The following FGF14 variants were observed in gnomAD, a reference collection of about 807,000 sequenced individuals.
The protein encoded by FGF14 is fibroblast growth factor homologous factor 4.
In FGF14, 5 loss-of-function variants were observed where a neutral mutation model predicts 25.5. The ratio of observed to expected loss-of-function variants is 0.20; its 90% CI spans 0.10 to 0.41. The LOEUF (loss-of-function observed/expected upper bound fraction) is 0.41, where lower values mean the gene tolerates loss of function less well. Ranked by LOEUF, FGF14 falls within the 10% of genes least tolerant of loss-of-function variation. The pLI, the probability that FGF14 is intolerant of heterozygous loss-of-function variation, is 1.00. For synonymous variants in FGF14, 138 were observed against 118.3 expected (o/e 1.17, Z -1.08); for missense variants, 222 against 320.1 (o/e 0.69, Z 2.34).
intron 1 of FGF14, among the ~76,000 whole-genome samples, chr13:102,020,186 T>C (rs2139857669): frequency 6.6e-6 from 1 of 152,000 alleles, no homozygotes; most frequent in South Asian, 2.1e-4. Context: ...GGGAGGGACA[T>C]GAGAGTGGTT....
intron 1 of FGF14, among the ~76,000 whole-genome samples, chr13:102,252,305 T>C (rs532483145): frequency 7.9e-5 from 12 of 152,344 alleles, no homozygotes; most frequent in African/African-American, 2.9e-4. Context: ...AAAGCAGTAT[T>C]CAGGTTTTGA....
At position 101,924,629 on chromosome 13, in the gene FGF14, T is replaced by C. The variant is rs140463817; in HGVS notation, c.209-49333A>G. ...AATTATTTAAATGGGAACAAGAGCA[T>C]GTCTGTTTATAAAACATCCAAATAA... On this transcript the variant is annotated intron_variant, in intron 1 of 4. Coordinates refer to the FGF14 transcript ENST00000376131. Among the ~76,000 whole-genome samples the C allele has an allele frequency of 5.5e-3, 838 of 152,328 alleles. 4 individuals are homozygous for C. Among genetic ancestry groups the C allele is most frequent in the African/African-American group, 0.019 (773 of 41,574 alleles).
chr13:101,869,716 G>A (rs543039381), intron 2 of FGF14, among the ~76,000 whole-genome samples: 1 of 152,278 alleles, frequency 6.6e-6, no homozygotes, highest in African/African-American at 2.4e-5. Context: ...AAGCAGGACA[G>A]AACAGGAAAT....
intron 1 of FGF14, among the ~76,000 whole-genome samples, chr13:102,135,163 G>A (rs1238284435): frequency 6.6e-6 from 1 of 151,966 alleles, no homozygotes; most frequent in African/African-American, 2.4e-5. Context: ...AGCTATGATC[G>A]CACCATCGCA....
At chr13:101,880,870 A>G (rs1192951902) in intron 1 of FGF14, among the ~76,000 whole-genome samples, 2 of 152,220 alleles carry the variant, frequency 1.3e-5, no homozygotes, top group African/African-American at 2.4e-5. Flanking sequence ...ATATATCTAT[A>G]AATGGTTTTT....
intron 1 of FGF14, among the ~76,000 whole-genome samples, chr13:101,884,805 C>G (rs987163902): frequency 2.0e-5 from 3 of 151,888 alleles, no homozygotes; most frequent in Non-Finnish European, 4.4e-5. Flanking sequence ...ATTTAAAAAG[C>G]ACTAGTTTAG....
rs2033528295 is a variant in FGF14 at position 101,916,602 on chromosome 13, T to C, written c.44A>G (p.Gln15Arg). 1 of 1,594,642 alleles carries C rather than the reference T, an allele frequency of 6.3e-7. No individual in the cohort carries two copies. The highest frequency in any genetic ancestry group is 1.3e-5 in the African/African-American group (1 of 74,180). Residue 15 changes from glutamine (Q) to arginine (R), a missense_variant, in exon 1 of 5, where the codon CAG (glutamine) becomes CGG (arginine). This residue lies in a region of FGF14 where 11 missense variants were observed against 26.6 expected (regional missense o/e 0.41). Coordinates refer to ENST00000376143, the MANE Select transcript of FGF14 (RefSeq NM_004115.4). ...IASGLIRQKR[Q>R]AREQHWDRPS... The stretch of plus-strand genomic sequence containing the variant: ...CCGGTCCCAGTGCTGCTCCCGCGCC[T>C]GCCGCTTCTGGCGGATCAAGCCGCT...
chr13:102,354,943 CATCT>C (rs1434594876), intron 1 of FGF14, among the ~76,000 whole-genome samples: 1 of 152,110 alleles, frequency 6.6e-6, no homozygotes, highest in Non-Finnish European at 1.5e-5. Flanking sequence ...CCTCCCCTCA[CATCT>C]CAGCTGCAGC....
intron 3 of FGF14, among the ~76,000 whole-genome samples, chr13:101,752,473 A>T (rs2037352756): frequency 6.6e-6 from 1 of 152,226 alleles, no homozygotes; most frequent in Admixed American, 6.5e-5. Context: ...GTGAATGATG[A>T]TATTAAACTA....
At chr13:101,998,500 A>G (rs1185301632) in intron 1 of FGF14, among the ~76,000 whole-genome samples, 1 of 152,230 alleles carries the variant, frequency 6.6e-6, no homozygotes, top group Non-Finnish European at 1.5e-5. Context: ...CCAAAGAGGT[A>G]TGATCATCTT....
chr13:102,160,486 C>G (rs1303193826), intron 1 of FGF14, among the ~76,000 whole-genome samples: 6 of 152,142 alleles, frequency 3.9e-5, no homozygotes, highest in South Asian at 4.1e-4. Flanking sequence ...CTGCCCCGAC[C>G]CTTCGTCTCA....
At chr13:102,161,474 C>T (rs902096644) in intron 1 of FGF14, among the ~76,000 whole-genome samples, 4 of 151,798 alleles carry the variant, frequency 2.6e-5, no homozygotes, top group African/African-American at 7.3e-5. Flanking sequence ...TGACAGCAAT[C>T]GTCAGTCAGT....
At chr13:101,735,438 G>A (rs2036115076) in intron 3 of FGF14, among the ~76,000 whole-genome samples, 1 of 152,086 alleles carries the variant, frequency 6.6e-6, no homozygotes, top group African/African-American at 2.4e-5. Context: ...TAGCAGAGGT[G>A]ACACGTCTCT....
intron 1 of FGF14, among the ~76,000 whole-genome samples, chr13:102,233,386 C>A (rs998282663): frequency 5.3e-5 from 8 of 152,166 alleles, no homozygotes; most frequent in African/African-American, 1.7e-4. Context: ...CCACCTTGAC[C>A]TTCCAAAGTG....
chr13:101,881,814 G>C (rs1440849508), intron 1 of FGF14, among the ~76,000 whole-genome samples: 1 of 152,182 alleles, frequency 6.6e-6, no homozygotes, highest in Middle Eastern at 3.2e-3. Context: ...ACAGATGTGG[G>C]TGTGTTACTC....
chr13:102,165,363 C>T (rs2047954511), intron 1 of FGF14, among the ~76,000 whole-genome samples: 2 of 151,986 alleles, frequency 1.3e-5, no homozygotes, highest in Admixed American at 6.6e-5. Flanking sequence ...GGCACATGCA[C>T]ACGTATGTTT....
chr13:101,980,513 T>C (rs1036781489), intron 1 of FGF14, among the ~76,000 whole-genome samples: 1 of 152,322 alleles, frequency 6.6e-6, no homozygotes, highest in African/African-American at 2.4e-5. Context: ...AATTTTCCAT[T>C]AGAGAGAAGT....
intron 3 of FGF14, among the ~76,000 whole-genome samples, chr13:101,866,413 C>T (rs1023718255): frequency 1.3e-5 from 2 of 152,060 alleles, no homozygotes; most frequent in Non-Finnish European, 2.9e-5. Context: ...TTCTATCTAC[C>T]ACCTGAGTGA....
intron 3 of FGF14, among the ~76,000 whole-genome samples, chr13:101,730,291 T>C (rs1318645048): frequency 2.0e-5 from 3 of 152,166 alleles, no homozygotes; most frequent in Non-Finnish European, 4.4e-5. Flanking sequence ...TGAAAGTTGT[T>C]TGTAGCACAT....
Sources: gnomAD v4.1 joint callset for allele counts (sites outside exome capture counted in the v4.1 genomes callset) on GRCh38, gnomAD v4.1.1 for gene constraint, gnomAD v4.1.1 regional missense constraint, MANE v1.5 for transcripts, NCBI Gene and HGNC (gene_info 2026-07-23, HGNC 2026-07-21) for gene names.